Variants in BCAS3 observed in about 807,000 individuals in gnomAD.
The protein encoded by BCAS3 is BCAS4/BCAS3 fusion.
In BCAS3, 53 loss-of-function variants were observed where a neutral mutation model predicts 116.1. The ratio of observed to expected loss-of-function variants is 0.46; its 90% CI spans 0.37 to 0.57. BCAS3 has a LOEUF of 0.57. Among genes scored for constraint, BCAS3 ranks in the 20% least tolerant of loss-of-function variants. The pLI is 0.00. For missense variants in BCAS3, 917 were observed against 1,165.4 expected (o/e 0.79, Z 3.10); for synonymous variants, 391 against 408.2 (o/e 0.96, Z 0.51).
intron 14 of BCAS3, among the ~76,000 whole-genome samples, chr17:60,954,856 A>G (rs2145279959): frequency 6.6e-6 from 1 of 152,252 alleles, no homozygotes; most frequent in South Asian, 2.1e-4. Context: ...TAAAGTTCCT[A>G]CTGAGTTTAA....
intron 22 of BCAS3, among the ~76,000 whole-genome samples, chr17:61,237,479 C>T (rs958015009): frequency 3.9e-5 from 6 of 152,212 alleles, no homozygotes; most frequent in Non-Finnish European, 8.8e-5. Flanking sequence ...CTGAGGCCCC[C>T]TAGCAGGCTG....
chr17:60,815,250 C>T (rs2144657403), intron 7 of BCAS3, among the ~76,000 whole-genome samples: 1 of 152,046 alleles, frequency 6.6e-6, no homozygotes, highest in South Asian at 2.1e-4. Context: ...ACAATGAGAA[C>T]ACTTGGACAC....
At chr17:60,711,714 A>G (rs567787444) in intron 5 of BCAS3, among the ~76,000 whole-genome samples, 6 of 150,968 alleles carry the variant, frequency 4.0e-5, no homozygotes, top group South Asian at 2.1e-4. Flanking sequence ...TTTTTTTTTG[A>G]TAGAATTTTC....
intron 22 of BCAS3, among the ~76,000 whole-genome samples, chr17:61,263,888 CAT>C (rs2049439236): frequency 6.6e-6 from 1 of 152,134 alleles, no homozygotes; most frequent in African/African-American, 2.4e-5. Flanking sequence ...TGATTATCCA[CAT>C]AGGAAAAACT....
At chr17:61,266,257 G>A (rs1326173613) in intron 22 of BCAS3, among the ~76,000 whole-genome samples, 1 of 152,182 alleles carries the variant, frequency 6.6e-6, no homozygotes, top group African/African-American at 2.4e-5. Flanking sequence ...AGTAAAACAT[G>A]CAATGCTAAG....
In BCAS3 at chr17:60,990,935, C is replaced by T. The variant is rs879771961; in HGVS notation, c.1486+700C>T. Among the ~76,000 whole-genome samples, 7 of 152,156 alleles carry T rather than the reference C, an allele frequency of 4.6e-5. No individual in the cohort carries two copies. The highest frequency in any genetic ancestry group is 6.5e-5 in the Admixed American group (1 of 15,272). On this transcript the variant is annotated intron_variant, in intron 15 of 23. Coordinates refer to ENST00000407086, the MANE Select transcript of BCAS3 (RefSeq NM_017679.5). The surrounding 1 kb of genome is among the most constrained non-coding windows in gnomAD (Gnocchi z 5.1). ...TGCTGGGATTACAGACATGAGCCAC[C>T]GCACCCAGCCTGCATTTTATTTTAA...
chr17:61,169,711 T>C (rs1042603439), intron 22 of BCAS3, among the ~76,000 whole-genome samples: 1 of 152,192 alleles, frequency 6.6e-6, no homozygotes, highest in African/African-American at 2.4e-5. Flanking sequence ...TTTCAGACAG[T>C]GGTGGTGGTG....
intron 22 of BCAS3, among the ~76,000 whole-genome samples, chr17:61,252,171 T>A (rs1300848283): frequency 6.6e-6 from 1 of 152,208 alleles, no homozygotes; most frequent in Non-Finnish European, 1.5e-5. Context: ...ATTAATAACG[T>A]TTTGTTTAGA....
In BCAS3 at chr17:61,200,266, C is replaced by G. The variant is rs563145982; in HGVS notation, c.2425+115702C>G. On this transcript the variant is annotated intron_variant, in intron 22 of 23. Transcript: ENST00000407086. This position sits in a 1 kb window ranked among gnomAD's most constrained non-coding sequence, Gnocchi z 5.1. ...TCAGAAGGAGTCAGAGTGGTCTGAG[C>G]GAATGAGAAGGAGATTAATATTAAT... 6.6e-6 allele frequency among the ~76,000 whole-genome samples: 1 copy of G among 152,114 alleles called. No homozygotes were observed. The highest frequency in any genetic ancestry group is 1.5e-5 in the Non-Finnish European group (1 of 68,012).
chr17:60,701,114 C>G (rs2036322805), intron 4 of BCAS3, among the ~76,000 whole-genome samples: 1 of 151,886 alleles, frequency 6.6e-6, no homozygotes, highest in African/African-American at 2.4e-5. Flanking sequence ...CGTGGTGACG[C>G]ACATCTGTAA....
rs1186283162 is a variant in BCAS3 at position 60,747,233 on chromosome 17, A to C, written c.357A>C (p.Arg119=). 1 of 1,613,262 alleles carries C rather than the reference A, an allele frequency of 6.2e-7. No homozygotes were observed. The highest frequency in any genetic ancestry group is 1.7e-5 in the Admixed American group (1 of 60,000). The change falls in exon 6 of 24, where the codon CGA becomes CGC. Residue 119 remains arginine (R), a synonymous_variant. Coordinates refer to ENST00000407086, the MANE Select transcript of BCAS3 (RefSeq NM_017679.5). ...SGEAQELFSV[R]HGPIRAARIL... ...AAGCACAAGAGCTCTTCTCTGTTCG[A>C]CATGGCCCAATTCGAGCGGCTAGAA...
chr17:60,897,404 T>C (rs2057584388), intron 10 of BCAS3, among the ~76,000 whole-genome samples: 1 of 152,180 alleles, frequency 6.6e-6, no homozygotes, highest in Non-Finnish European at 1.5e-5. Flanking sequence ...CTTTTTCCAT[T>C]GTATCTGCCT....
rs1351056620 is a variant in BCAS3 at position 61,226,616 on chromosome 17, A to AT, written c.2426-141710dup. On this transcript the variant is annotated intron_variant, in intron 22 of 23. Transcript: ENST00000407086. The surrounding 1 kb of genome is among the most constrained non-coding windows in gnomAD (Gnocchi z 6.0). Reference sequence around the variant, plus strand: ...TAAGGGTTAGAATTTTTTCAGGGTGATCTTTTTTGTTCAGATGCAAAATAG... The same window carrying AT: ...TAAGGGTTAGAATTTTTTCAGGGTGATTCTTTTTTGTTCAGATGCAAAATAG... 1.3e-5 allele frequency among the ~76,000 whole-genome samples: 2 copies of AT among 152,136 alleles called. No individual in the cohort carries two copies. The highest frequency in any genetic ancestry group is 2.4e-5 in the African/African-American group (1 of 41,446).
At chr17:61,336,121 C>T (rs7224107) in intron 22 of BCAS3, among the ~76,000 whole-genome samples, 15,490 of 152,328 alleles carry the variant, frequency 0.1, 935 homozygotes, top group East Asian at 0.17. Context: ...GCTAAACTCC[C>T]AGCTCCCTGG....
chr17:60,736,058 G>C (rs2040924064), intron 5 of BCAS3, among the ~76,000 whole-genome samples: 1 of 147,856 alleles, frequency 6.8e-6, no homozygotes, highest in African/African-American at 2.7e-5. Context: ...TATTTTCAGA[G>C]ACAGGGTCTC....
intron 18 of BCAS3, among the ~76,000 whole-genome samples, chr17:61,040,422 A>C (rs2067409565): frequency 6.6e-6 from 1 of 152,194 alleles, no homozygotes. Context: ...TTTTATTTTA[A>C]AATATACACA....
At chr17:61,335,941 G>A (rs2056685413) in intron 22 of BCAS3, among the ~76,000 whole-genome samples, 1 of 152,242 alleles carries the variant, frequency 6.6e-6, no homozygotes, top group Non-Finnish European at 1.5e-5. Flanking sequence ...CTGCCAGATT[G>A]ACAGCTGTCT....
chr17:60,683,904 A>T, intron 2 of BCAS3, 78 bp from the exon 3 acceptor site: 1 of 1,201,792 alleles, frequency 8.3e-7, no homozygotes, highest in Non-Finnish European at 1.2e-6. Flanking sequence ...TGACTTTATT[A>T]AGGCTTGTAA....
Position 61,130,376 on chromosome 17 carries a change from C to T in BCAS3, c.2425+45812C>T, listed in dbSNP as rs2076266131. Among the ~76,000 whole-genome samples the T allele has an allele frequency of 6.6e-6, 1 of 152,028 alleles. No homozygotes were observed. The highest frequency in any genetic ancestry group is 1.5e-5 in the Non-Finnish European group (1 of 68,010). ...TATTAATTCTCGTATCCAAAAGAACCACAATACAACCCAAGACCCCAATCA... is the reference window on the plus strand; with the variant it reads ...TATTAATTCTCGTATCCAAAAGAACTACAATACAACCCAAGACCCCAATCA... On this transcript the variant is annotated intron_variant, in intron 22 of 23. Coordinates refer to ENST00000407086, the MANE Select transcript of BCAS3 (RefSeq NM_017679.5). This position sits in a 1 kb window ranked among gnomAD's most constrained non-coding sequence, Gnocchi z 5.0.
Sources: gnomAD v4.1 joint callset for allele counts (sites outside exome capture counted in the v4.1 genomes callset) on GRCh38, gnomAD v4.1.1 for gene constraint, Gnocchi (gnomAD v3.1) non-coding constraint, MANE v1.5 for transcripts, NCBI Gene and HGNC (gene_info 2026-07-23, HGNC 2026-07-21) for gene names.